SVIL: variants seen among roughly 807,000 people sequenced by gnomAD.
The protein encoded by SVIL is archvillin.
SVIL carries 101 observed loss-of-function variants against 240.4 expected under a neutral mutation model. That is an observed-to-expected ratio of 0.42 (90% CI 0.36 to 0.50). SVIL has a LOEUF of 0.50. Ranked by LOEUF, SVIL falls within the 20% of genes least tolerant of loss-of-function variation. The pLI is 0.01. For missense variants in SVIL, 2,512 were observed against 2,818.7 expected (o/e 0.89, Z 2.46); for synonymous variants, 999 against 1,100.0 (o/e 0.91, Z 1.82).
intron 3 of SVIL, among the ~76,000 whole-genome samples, chr10:29,647,971 C>CAAAAAAAAAA (rs3030628): frequency 3.1e-5 from 3 of 96,302 alleles, no homozygotes; most frequent in East Asian, 3.4e-4. Context: ...TTGTCAATAT[C>CAAAAAAAAAA]AAAAAAAAAA....
chr10:29,502,889 T>G (rs1949010754), intron 17 of SVIL, among the ~76,000 whole-genome samples: 1 of 152,152 alleles, frequency 6.6e-6, no homozygotes, highest in Non-Finnish European at 1.5e-5. Flanking sequence ...CAAATCTCAC[T>G]CAATGTTTCT....
At chr10:29,499,523 C>A (rs1026092627) in intron 17 of SVIL, among the ~76,000 whole-genome samples, 1 of 152,116 alleles carries the variant, frequency 6.6e-6, no homozygotes, top group African/African-American at 2.4e-5. Context: ...ACTGGAGCAC[C>A]AGAACAATCC....
At chr10:29,560,503 C>A (rs978061726) in intron 3 of SVIL, among the ~76,000 whole-genome samples, 1 of 152,032 alleles carries the variant, frequency 6.6e-6, no homozygotes, top group African/African-American at 2.4e-5. Flanking sequence ...GATTTTTAAT[C>A]CCTTGATTAC....
intron 34 of SVIL, among the ~76,000 whole-genome samples, chr10:29,464,230 G>T (rs1044403913): frequency 2.0e-5 from 3 of 151,996 alleles, no homozygotes; most frequent in Admixed American, 6.6e-5. Context: ...TGAGCCCGGA[G>T]GTTGAAGACC....
At chr10:29,644,768 A>G (rs1958601629) in intron 3 of SVIL, among the ~76,000 whole-genome samples, 1 of 152,206 alleles carries the variant, frequency 6.6e-6, no homozygotes, top group South Asian at 2.1e-4. Context: ...ATCCTGGGCC[A>G]TGTCTCCTTG....
rs568186376 is a variant in SVIL at position 29,621,054 on chromosome 10, T to TCA, written c.-201+13365_-201+13366insTG. On this transcript the variant is annotated intron_variant, in intron 1 of 37. Coordinates refer to ENST00000355867, the MANE Select transcript of SVIL (RefSeq NM_021738.3). ...CTTGGCCTCAAGCAATTCTCCCACC[T>TCA]TGGCCTCCCAAAGTGCTGGGATTAC... Among the ~76,000 whole-genome samples the TCA allele has an allele frequency of 4.7e-3, 712 of 151,986 alleles. 4 individuals are homozygous for TCA. Among genetic ancestry groups the TCA allele is most frequent in the African/African-American group, 0.017 (685 of 41,406 alleles).
rs569022519 is a variant in SVIL, at chr10:29,608,983, G to A, written c.-201+25437C>T. 3.0e-4 allele frequency among the ~76,000 whole-genome samples: 45 copies of A among 152,218 alleles called. 2 individuals carry two copies. The South Asian group carries it at 9.3e-3, about 32-fold the overall frequency. On this transcript the variant is annotated intron_variant, in intron 1 of 37. Transcript: ENST00000355867. Reference sequence around the variant, plus strand: ...CCAGGCCTGCCTATGACCACCTATGGACCAATCAGCATGCACTTCCTCCCT... The same window carrying A: ...CCAGGCCTGCCTATGACCACCTATGAACCAATCAGCATGCACTTCCTCCCT...
In SVIL at chr10:29,458,334, CTG is replaced by C; in HGVS notation, c.6559-3_6559-2del. ...CATCCCTCGTCATGTCTAGTGCAAA[CTG>C]GAAACATTGGGAGAAGCGCCCCGCG... On this transcript the variant is annotated splice_acceptor_variant and splice_polypyrimidine_tract_variant and intron_variant, in intron 37 of 37. Coordinates refer to ENST00000355867, the MANE Select transcript of SVIL (RefSeq NM_021738.3). LOFTEE classifies it high-confidence loss of function. 1.2e-6 allele frequency: 2 copies of C among 1,614,188 alleles called. No individual in the cohort carries two copies. Among genetic ancestry groups the C allele is most frequent in the Non-Finnish European group, 1.7e-6 (2 of 1,180,034 alleles).
chr10:29,602,158 C>A, intron 1 of SVIL: 1 of 429,420 alleles, frequency 2.3e-6, no homozygotes, highest in Non-Finnish European at 4.7e-6. Flanking sequence ...TAAACACCTA[C>A]AAAAGAAATG....
chr10:29,631,915 G>A (rs1458566678), intron 1 of SVIL, among the ~76,000 whole-genome samples: 2 of 152,172 alleles, frequency 1.3e-5, no homozygotes, highest in Non-Finnish European at 2.9e-5. Flanking sequence ...CAGAACTGCT[G>A]GAAAGTTCTA....
chr10:29,471,219 G>A lies in SVIL; in HGVS notation c.5554C>T (p.Pro1852Ser), dbSNP rs201952415. 6.2e-7 allele frequency: 1 copy of A among 1,612,908 alleles called. No individual in the cohort carries two copies. Residue 1852 changes from proline (P) to serine (S), a missense_variant, in exon 31 of 38, where the codon CCC (proline) becomes TCC (serine). Around this residue, in one of 3 missense-constraint regions of SVIL, gnomAD observed 797 missense variants for 925.3 expected, o/e 0.86. Transcript: ENST00000355867. ...AQVQVLQGKEPPCFLQCFQGG... is the reference protein window; with the variant it reads ...AQVQVLQGKESPCFLQCFQGG... ...TGGAAACACTGCAGGAAACAGGGGG[G>A]CTCCTTTCCCTGGAGAACCTGGACC...
chr10:29,480,399 T>A, intron 29 of SVIL, 138 bp downstream of exon 29: 2 of 1,082,238 alleles, frequency 1.8e-6, no homozygotes, highest in Non-Finnish European at 1.3e-6. Context: ...ACTAGGTGGC[T>A]CTCAAAGGCG....
intron 1 of SVIL, among the ~76,000 whole-genome samples, chr10:29,730,657 T>A (rs1964566427): frequency 6.6e-6 from 1 of 152,178 alleles, no homozygotes; most frequent in Admixed American, 6.5e-5. Context: ...GATTAAGGGC[T>A]TAGAATTGTG....
chr10:29,529,722 C>G lies in SVIL; in HGVS notation c.2229G>C (p.Glu743Asp). 1 of 1,609,194 alleles carries G rather than the reference C, an allele frequency of 6.2e-7. No individual in the cohort carries two copies. Among genetic ancestry groups the G allele is most frequent in the South Asian group, 1.1e-5 (1 of 90,270 alleles). Reference protein sequence around the residue: ...RSLTQPITTEEVVIAATEPIP... With the variant: ...RSLTQPITTEDVVIAATEPIP... ...GCACTTACGTGGCTGCGATGACCAC[C>G]TCTTCAGTGGTGATGGGCTGGGTGA... Residue 743 changes from glutamate (E) to aspartate (D), a missense_variant, in exon 12 of 38, where the codon GAG becomes GAC. By Grantham distance (45) the Glu-to-Asp change is conservative. Around this residue, in one of 3 missense-constraint regions of SVIL, gnomAD observed 1,443 missense variants for 1,486.6 expected, o/e 0.97. Coordinates refer to ENST00000355867, the MANE Select transcript of SVIL (RefSeq NM_021738.3).
chr10:29,487,132 G>A, intron 24 of SVIL, 31 bp downstream of exon 24: 2 of 1,611,624 alleles, frequency 1.2e-6, no homozygotes, highest in Non-Finnish European at 1.7e-6. Flanking sequence ...GGAGATGTTA[G>A]CTAAAGCATT....
At position 29,632,761 on chromosome 10, in the gene SVIL, G is replaced by A. The variant is rs551868999; in HGVS notation, c.-201+1659C>T. On this transcript the variant is annotated intron_variant, in intron 1 of 37. Transcript: ENST00000355867. ...AATAGTACTAAATAAAGGTAGGCAG[G>A]AAGGCACCTAATGTACTACAATAGC... Among the ~76,000 whole-genome samples, 13 of 152,286 alleles carry A rather than the reference G, an allele frequency of 8.5e-5. No individual in the cohort carries two copies. In the South Asian group the frequency reaches 2.7e-3, roughly 32 times the overall value.
In SVIL at chr10:29,606,570, T is replaced by A. The variant is rs546765233; in HGVS notation, c.-201+27850A>T. On this transcript the variant is annotated intron_variant, in intron 1 of 37. Coordinates refer to ENST00000355867, the MANE Select transcript of SVIL (RefSeq NM_021738.3). ...ATATACTTCAATATGCATTTTAAAA[T>A]TATGAATATTTCCTTGTATAACTAT... Among the ~76,000 whole-genome samples, 11 of 152,308 alleles carry A rather than the reference T, an allele frequency of 7.2e-5. No homozygotes were observed. The East Asian group carries it at 9.6e-4, about 13-fold the overall frequency.
intron 2 of SVIL, among the ~76,000 whole-genome samples, chr10:29,680,080 G>A (rs889007212): frequency 6.6e-6 from 1 of 152,112 alleles, no homozygotes; most frequent in African/African-American, 2.4e-5. Context: ...AGCCACTTGG[G>A]GGGCTTAGGT....
chr10:29,620,832 C>A (rs1008270138), intron 1 of SVIL, among the ~76,000 whole-genome samples: 4 of 152,030 alleles, frequency 2.6e-5, no homozygotes, highest in Non-Finnish European at 4.4e-5. Flanking sequence ...TTGGCCAGGC[C>A]GGTCTCAAAC....
Sources: allele counts gnomAD v4.1 joint callset (sites outside exome capture counted in the v4.1 genomes callset), GRCh38; gene constraint gnomAD v4.1.1; regional missense constraint gnomAD v4.1.1; transcripts MANE v1.5; gene names NCBI Gene and HGNC (gene_info 2026-07-23, HGNC 2026-07-21).